The following PCDH9 variants were observed in gnomAD, a reference collection of about 807,000 sequenced individuals.
The protein encoded by PCDH9 is protocadherin-9.
PCDH9 carries 24 observed loss-of-function variants against 70.6 expected under a neutral mutation model. That is an observed-to-expected ratio of 0.34 (90% CI 0.25 to 0.48). The LOEUF is 0.48. Among genes scored for constraint, PCDH9 ranks in the 20% least tolerant of loss-of-function variants. The pLI, the probability that PCDH9 is intolerant of heterozygous loss-of-function variation, is 0.99. For missense variants in PCDH9, 1,281 were observed against 1,503.6 expected (o/e 0.85, Z 2.45); for synonymous variants, 562 against 558.5 (o/e 1.01, Z -0.09).
chr13:66,322,295 CTATG>C (rs1955770022), intron 4 of PCDH9, among the ~76,000 whole-genome samples: 2 of 151,820 alleles, frequency 1.3e-5, no homozygotes, highest in African/African-American at 4.9e-5. Context: ...GTAAATTAAC[CTATG>C]ATCACCGTGG....
intron 4 of PCDH9, among the ~76,000 whole-genome samples, chr13:66,587,543 A>T (rs1376121667): frequency 6.6e-6 from 1 of 152,136 alleles, no homozygotes; most frequent in Non-Finnish European, 1.5e-5. Flanking sequence ...TCATCACTAC[A>T]TGCTTCCAGC....
intron 2 of PCDH9, among the ~76,000 whole-genome samples, chr13:67,014,204 T>C (rs1179860547): frequency 6.6e-6 from 1 of 152,142 alleles, no homozygotes; most frequent in Non-Finnish European, 1.5e-5. Context: ...ACTAAAATAC[T>C]GTCCCCAAAC....
At chr13:66,937,634 G>A (rs575138940) in intron 2 of PCDH9, among the ~76,000 whole-genome samples, 2 of 152,266 alleles carry the variant, frequency 1.3e-5, no homozygotes, top group East Asian at 3.9e-4. Context: ...CAGACAAAGT[G>A]GAAAACCTAA....
At chr13:66,893,405 A>G (rs1224333836) in intron 3 of PCDH9, among the ~76,000 whole-genome samples, 1 of 152,174 alleles carries the variant, frequency 6.6e-6, no homozygotes, top group Non-Finnish European at 1.5e-5. Flanking sequence ...CTAAGAGCAC[A>G]GCTTATCTGG....
chr13:66,568,668 G>A (rs1397621619), intron 4 of PCDH9, among the ~76,000 whole-genome samples: 5 of 150,358 alleles, frequency 3.3e-5, no homozygotes, highest in African/African-American at 1.2e-4. Context: ...GAAAAACCCT[G>A]TCTCAAAAAA....
intron 3 of PCDH9, among the ~76,000 whole-genome samples, chr13:66,896,177 A>G (rs968247319): frequency 2.6e-5 from 4 of 152,206 alleles, no homozygotes; most frequent in African/African-American, 9.6e-5. Context: ...GTGATGATCA[A>G]TCTTTATAGA....
intron 2 of PCDH9, among the ~76,000 whole-genome samples, chr13:67,190,514 AC>A (rs1209484189): frequency 6.6e-6 from 1 of 152,020 alleles, no homozygotes; most frequent in Non-Finnish European, 1.5e-5. Context: ...CAATTAATGA[AC>A]CATTTTTGAG....
At chr13:66,368,894 G>T (rs545744434) in intron 4 of PCDH9, among the ~76,000 whole-genome samples, 1 of 151,986 alleles carries the variant, frequency 6.6e-6, no homozygotes, top group Non-Finnish European at 1.5e-5. Context: ...CTCATGAGAC[G>T]TATTCACTAT....
chr13:66,459,782 C>T (rs974135942), intron 4 of PCDH9, among the ~76,000 whole-genome samples: 3 of 151,952 alleles, frequency 2.0e-5, no homozygotes, highest in Admixed American at 1.3e-4. Context: ...ATCTGCATCT[C>T]ATATCAGATT....
chr13:66,871,911 C>T (rs1186946627), intron 3 of PCDH9, among the ~76,000 whole-genome samples: 1 of 152,046 alleles, frequency 6.6e-6, no homozygotes, highest in Non-Finnish European at 1.5e-5. Flanking sequence ...ACCTTCCAGG[C>T]ACAGGTTGAA....
At chr13:66,428,431 G>A (rs1256423908) in intron 4 of PCDH9, among the ~76,000 whole-genome samples, 1 of 151,636 alleles carries the variant, frequency 6.6e-6, no homozygotes, top group Non-Finnish European at 1.5e-5. Context: ...GTCTTAGCAA[G>A]GGATTTTATA....
At chr13:66,760,544 T>C (rs145040428) in intron 3 of PCDH9, among the ~76,000 whole-genome samples, 2,384 of 152,286 alleles carry the variant, frequency 0.016, 74 homozygotes, top group African/African-American at 0.052. Flanking sequence ...TGAGGATGTA[T>C]GTCACCTCAG....
chr13:66,507,303 T>A (rs1959235803), intron 4 of PCDH9, among the ~76,000 whole-genome samples: 1 of 152,218 alleles, frequency 6.6e-6, no homozygotes, highest in Non-Finnish European at 1.5e-5. Context: ...GCAAAATGTA[T>A]TTAAGTGAAA....
At chr13:66,694,977 C>T (rs550112912) in intron 3 of PCDH9, among the ~76,000 whole-genome samples, 302 of 151,318 alleles carry the variant, frequency 2.0e-3, no homozygotes, top group African/African-American at 7.0e-3. Context: ...GATCTCTGCT[C>T]ACTGCCAGCT....
At chr13:66,527,756 G>A (rs779608762) in intron 4 of PCDH9, among the ~76,000 whole-genome samples, 6 of 152,092 alleles carry the variant, frequency 3.9e-5, no homozygotes, top group African/African-American at 9.7e-5. Context: ...AGTGGCTTAC[G>A]TCTGTAATCC....
At chr13:67,082,601 C>G (rs971824935) in intron 2 of PCDH9, among the ~76,000 whole-genome samples, 2 of 152,112 alleles carry the variant, frequency 1.3e-5, no homozygotes, top group African/African-American at 4.8e-5. Flanking sequence ...ACACTCACCC[C>G]TTTTGCTTAA....
chr13:66,807,908 C>G (rs1190146272), intron 3 of PCDH9, among the ~76,000 whole-genome samples: 3 of 152,098 alleles, frequency 2.0e-5, no homozygotes, highest in African/African-American at 7.2e-5. Context: ...GTCAGATATA[C>G]AGCATTTCAG....
intron 4 of PCDH9, among the ~76,000 whole-genome samples, chr13:66,429,527 G>A (rs1368966087): frequency 6.6e-6 from 1 of 151,208 alleles, no homozygotes; most frequent in Non-Finnish European, 1.5e-5. Context: ...AAATATGTTA[G>A]GAAATGAGGT....
At chr13:66,798,194 A>G (rs895317738) in intron 3 of PCDH9, among the ~76,000 whole-genome samples, 5 of 152,176 alleles carry the variant, frequency 3.3e-5, no homozygotes, top group Non-Finnish European at 7.4e-5. Context: ...ATACAATCCT[A>G]TGAAATGTAT....
Sources: gnomAD v4.1 joint callset for allele counts (sites outside exome capture counted in the v4.1 genomes callset) on GRCh38, gnomAD v4.1.1 for gene constraint, MANE v1.5 for transcripts, NCBI Gene and HGNC (gene_info 2026-07-23, HGNC 2026-07-21) for gene names.